The following ENOX2 variants were observed in gnomAD, a reference collection of about 807,000 sequenced individuals.
ENOX2 encodes ecto-NOX disulfide-thiol exchanger 2.
ENOX2 carries 36 observed loss-of-function variants against 45.0 expected under a neutral mutation model. The ratio of observed to expected loss-of-function variants is 0.80; its 90% CI spans 0.61 to 1.06. The LOEUF (loss-of-function observed/expected upper bound fraction) is 1.06, where lower values mean the gene tolerates loss of function less well. Ranked by LOEUF, ENOX2 falls within the 50% of genes least tolerant of loss-of-function variation. ENOX2 has a pLI of 0.00. For synonymous variants in ENOX2, 174 were observed against 152.3 expected (o/e 1.14, Z -1.05); for missense variants, 423 against 462.5 (o/e 0.91, Z 0.78).
rs953947455 is a variant in ENOX2 at position 130,730,846 on chromosome X, A to G, written c.-38-27592T>C. Among the ~76,000 whole-genome samples the G allele has an allele frequency of 2.7e-5, 3 of 111,033 alleles. No individual in the cohort carries two copies. The Admixed American group carries it at 2.9e-4, about 11-fold the overall frequency. ...AATTGGTTGAAAAAGTTATCAATAG[A>G]AAGGAATGTCTGGGTTATGATAAGG... On this transcript the variant is annotated intron_variant, in intron 3 of 14. Coordinates refer to ENST00000394363, the MANE Select transcript of ENOX2 (RefSeq NM_006375.4).
At chrX:130,677,183 T>C (rs1041096792) in intron 6 of ENOX2, among the ~76,000 whole-genome samples, 3 of 112,029 alleles carry the variant, frequency 2.7e-5, no homozygotes, top group African/African-American at 9.7e-5. Flanking sequence ...GTCAGAAATA[T>C]TCTCGTTCTC....
At chrX:130,792,513 G>A (rs1317940121) in intron 2 of ENOX2, among the ~76,000 whole-genome samples, 1 of 112,619 alleles carries the variant, frequency 8.9e-6, no homozygotes, top group Admixed American at 9.4e-5. Context: ...GAAAAGTTCA[G>A]GCCGGGCACA....
At chrX:130,775,125 T>C (rs973158327) in intron 3 of ENOX2, among the ~76,000 whole-genome samples, 17 of 112,170 alleles carry the variant, frequency 1.5e-4, no homozygotes, top group African/African-American at 5.5e-4. Flanking sequence ...ATCATGCCTG[T>C]AATCCCAGCA....
chrX:130,653,567 T>C (rs951068358), intron 10 of ENOX2, among the ~76,000 whole-genome samples: 28 of 111,666 alleles, frequency 2.5e-4, no homozygotes, highest in Non-Finnish European at 7.5e-5. Flanking sequence ...AATCTGTTCA[T>C]CTTTCAAGGC....
intron 2 of ENOX2, among the ~76,000 whole-genome samples, chrX:130,795,932 G>A (rs1466394704): frequency 9.0e-6 from 1 of 110,535 alleles, no homozygotes; most frequent in Non-Finnish European, 1.9e-5. Context: ...AGTACACAGA[G>A]CCTTATCAGA....
intron 1 of ENOX2, among the ~76,000 whole-genome samples, chrX:130,902,256 T>C (rs139170979): frequency 1.1e-4 from 12 of 111,947 alleles, no homozygotes; most frequent in Non-Finnish European, 2.1e-4. Context: ...GCCCCCTAAA[T>C]GTTTGTCAAC....
chrX:130,839,318 T>C (rs1224884807), intron 2 of ENOX2, among the ~76,000 whole-genome samples: 2 of 111,494 alleles, frequency 1.8e-5, no homozygotes, highest in Non-Finnish European at 3.8e-5. Context: ...TTAACCTATT[T>C]GGATCACGGT....
At chrX:130,701,320 T>G (rs2037892278) in intron 4 of ENOX2, among the ~76,000 whole-genome samples, 2 of 110,243 alleles carry the variant, frequency 1.8e-5, no homozygotes, top group South Asian at 7.8e-4. Context: ...TCAGGGACAC[T>G]CCACAATATA....
At chrX:130,833,054 CAA>C (rs1491536460) in intron 2 of ENOX2, among the ~76,000 whole-genome samples, 9 of 103,364 alleles carry the variant, frequency 8.7e-5, no homozygotes, top group African/African-American at 2.9e-4. Flanking sequence ...CACACACACA[CAA>C]ACAGCACTGA....
chrX:130,739,944 G>A (rs780988530), intron 3 of ENOX2, among the ~76,000 whole-genome samples: 7 of 112,341 alleles, frequency 6.2e-5, no homozygotes, highest in African/African-American at 2.3e-4. Flanking sequence ...GAATGGGATC[G>A]GTGGCTAGGA....
intron 2 of ENOX2, among the ~76,000 whole-genome samples, chrX:130,849,095 C>G (rs985920156): frequency 8.9e-6 from 1 of 112,385 alleles, no homozygotes; most frequent in African/African-American, 3.2e-5. Flanking sequence ...CTTTTAAAGC[C>G]ATCAGTCAAA....
intron 10 of ENOX2, among the ~76,000 whole-genome samples, chrX:130,652,401 A>G (rs2036426727): frequency 9.0e-6 from 1 of 111,367 alleles, no homozygotes; most frequent in African/African-American, 3.3e-5. Context: ...TTTCATATTC[A>G]TTTAATAATT....
intron 3 of ENOX2, among the ~76,000 whole-genome samples, chrX:130,752,677 CCTGT>C (rs1450390958): frequency 3.6e-5 from 4 of 110,960 alleles, no homozygotes; most frequent in South Asian, 7.7e-4. Context: ...TGTTTTTCTG[CCTGT>C]CTGTCTCTTA....
At chrX:130,714,095 G>A (rs1254851059) in intron 3 of ENOX2, among the ~76,000 whole-genome samples, 1 of 111,593 alleles carries the variant, frequency 9.0e-6, no homozygotes, top group Non-Finnish European at 1.9e-5. Context: ...GCTCTTGGAA[G>A]TCTGGCAAGA....
chrX:130,893,093 T>C (rs1158482706), intron 2 of ENOX2, among the ~76,000 whole-genome samples: 3 of 112,283 alleles, frequency 2.7e-5, no homozygotes, highest in East Asian at 5.6e-4. Context: ...TATAATTATA[T>C]AGAAAAGTAT....
intron 3 of ENOX2, among the ~76,000 whole-genome samples, chrX:130,775,379 C>CAA (rs775705510): frequency 4.8e-4 from 47 of 97,507 alleles, no homozygotes; most frequent in African/African-American, 1.7e-3. Context: ...GACCCTGTCT[C>CAA]AAAAAAAAAA....
At chrX:130,713,800 T>A (rs2038255950) in intron 3 of ENOX2, among the ~76,000 whole-genome samples, 1 of 111,900 alleles carries the variant, frequency 8.9e-6, no homozygotes, top group Non-Finnish European at 1.9e-5. Flanking sequence ...TTAAGTCATA[T>A]AATTCTTTTC....
intron 2 of ENOX2, among the ~76,000 whole-genome samples, chrX:130,871,602 G>A: frequency 9.0e-6 from 1 of 111,393 alleles, no homozygotes; most frequent in Non-Finnish European, 1.9e-5. Flanking sequence ...AGTTGAATAC[G>A]ATTTACAAAG....
At chrX:130,711,235 T>C (rs1340395856) in intron 3 of ENOX2, among the ~76,000 whole-genome samples, 5 of 111,921 alleles carry the variant, frequency 4.5e-5, no homozygotes, top group African/African-American at 1.6e-4. Context: ...AAGCAATATA[T>C]TGTGGCAGTG....
Sources: gnomAD v4.1 joint callset for allele counts (sites outside exome capture counted in the v4.1 genomes callset) on GRCh38, gnomAD v4.1.1 for gene constraint, MANE v1.5 for transcripts, NCBI Gene and HGNC (gene_info 2026-07-23, HGNC 2026-07-21) for gene names.